CSNK1G2: variants seen among roughly 807,000 people sequenced by gnomAD.
CSNK1G2 encodes the protein casein kinase 1 gamma 2.
CSNK1G2 carries 11 observed loss-of-function variants against 48.0 expected under a neutral mutation model. That is an observed-to-expected ratio of 0.23 (90% CI 0.14 to 0.38). CSNK1G2 has a LOEUF of 0.38. Among genes scored for constraint, CSNK1G2 ranks in the 10% least tolerant of loss-of-function variants. The pLI is 1.00. For missense variants in CSNK1G2, 446 were observed against 595.5 expected (o/e 0.75, Z 2.61); for synonymous variants, 337 against 254.1 (o/e 1.33, Z -3.10).
rs970916248 is a variant in CSNK1G2 at position 1,980,845 on chromosome 19, T to TGCTGCAGTCTCTTCCCAGCC, written c.*643_*662dup. 3 of 152,600 alleles carry TGCTGCAGTCTCTTCCCAGCC rather than the reference T, an allele frequency of 2.0e-5. No individual in the cohort carries two copies. The highest frequency in any genetic ancestry group is 4.4e-5 in the Non-Finnish European group (3 of 68,242). 9.5% of individuals were successfully genotyped at this position (152,600 alleles called of 1,614,324 possible). The stretch of plus-strand genomic sequence containing the variant: ...AAAGCTCGGGCGCCGCGGGCACGGC[T>TGCTGCAGTCTCTTCCCAGCC]GCTGCAGTCTCTTCCCAGCCTGGCC... On this transcript the variant is annotated 3_prime_UTR_variant, in exon 12 of 12. Transcript: ENST00000255641.
chr19:1,963,166 G>A lies in CSNK1G2; in HGVS notation c.-265-6342G>A, dbSNP rs577023108. On this transcript the variant is annotated intron_variant, in intron 1 of 11. Transcript: ENST00000255641. Reference sequence around the variant, plus strand: ...AGCCACAGAGACAGGGAGTAACGTGGTGGTTTATTATAAATTTTTCATGAA... The same window carrying A: ...AGCCACAGAGACAGGGAGTAACGTGATGGTTTATTATAAATTTTTCATGAA... Among the ~76,000 whole-genome samples, 5 of 152,102 alleles carry A rather than the reference G, an allele frequency of 3.3e-5. No individual in the cohort carries two copies. The South Asian group carries it at 1.0e-3, about 32-fold the overall frequency.
chr19:1,960,851 T>A (rs2015174335), intron 1 of CSNK1G2, among the ~76,000 whole-genome samples: 1 of 152,276 alleles, frequency 6.6e-6, no homozygotes, highest in East Asian at 1.9e-4. Flanking sequence ...ATCGCACCAC[T>A]ACACTCCAGC....
chr19:1,966,559 C>T (rs927725581), intron 1 of CSNK1G2, among the ~76,000 whole-genome samples: 4 of 152,160 alleles, frequency 2.6e-5, no homozygotes, highest in East Asian at 1.9e-4. Flanking sequence ...TGGAACAGCC[C>T]GGAACCTCGG....
At chr19:1,950,298 C>G (rs879307336) in intron 1 of CSNK1G2, among the ~76,000 whole-genome samples, 14,994 of 145,198 alleles carry the variant, frequency 0.1, 1,069 homozygotes, top group East Asian at 0.18. Flanking sequence ...CGCCACCACA[C>G]CCAGCTAATT....
intron 2 of CSNK1G2, among the ~76,000 whole-genome samples, chr19:1,970,788 C>T (rs960641392): frequency 1.3e-5 from 2 of 152,224 alleles, no homozygotes; most frequent in African/African-American, 4.8e-5. Context: ...CAGTCAGTGT[C>T]TGTCGTGGTG....
At chr19:1,941,512 G>C (rs1245628499) in intron 1 of CSNK1G2, 94 bp downstream of exon 1, 1 of 42,756 alleles carries the variant, frequency 2.3e-5, no homozygotes, top group Non-Finnish European at 4.3e-5. Context: ...CCCCACACTC[G>C]GTGTCCACTG....
At chr19:1,968,629 G>C (rs868245873) in intron 1 of CSNK1G2, among the ~76,000 whole-genome samples, 1 of 152,208 alleles carries the variant, frequency 6.6e-6, no homozygotes, top group East Asian at 1.9e-4. Context: ...CTGTGGGCTG[G>C]GGTCCCACCA....
At chr19:1,968,533 G>A (rs1037786885) in intron 1 of CSNK1G2, among the ~76,000 whole-genome samples, 8 of 152,204 alleles carry the variant, frequency 5.3e-5, no homozygotes, top group Non-Finnish European at 7.4e-5. Context: ...GTCCAGACAC[G>A]GCGTTTCTCT....
Position 1,980,679 on chromosome 19 carries a change from C to G in CSNK1G2, c.*476C>G, listed in dbSNP as rs2015957603. The G allele has an allele frequency of 5.5e-6, 1 of 181,186 alleles. No homozygotes were observed. Among genetic ancestry groups the G allele is most frequent in the Non-Finnish European group, 1.2e-5 (1 of 85,124 alleles). The allele number at this position is 181,186 out of a possible 1,614,324, so 11.2% of individuals were successfully genotyped here. On this transcript the variant is annotated 3_prime_UTR_variant, in exon 12 of 12. Transcript: ENST00000255641. ...CCCGGCCTGGAGGGGTGCTGTGGAGCTGTCTTGCCCAGGCCCTCCTGGGAG... is the reference window on the plus strand; with the variant it reads ...CCCGGCCTGGAGGGGTGCTGTGGAGGTGTCTTGCCCAGGCCCTCCTGGGAG...
chr19:1,946,289 T>TATTTATTTGTTATTTATTTA (rs56098852), intron 1 of CSNK1G2, among the ~76,000 whole-genome samples: 2 of 143,806 alleles, frequency 1.4e-5, no homozygotes, highest in African/African-American at 2.5e-5. Context: ...TTTATTTATT[T>TATTTATTTGTTATTTATTTA]TTTATTTATT....
chr19:1,979,976 G>A lies in CSNK1G2; in HGVS notation c.1152G>A (p.Pro384=), dbSNP rs1162158104. The change falls in exon 11 of 12, where the codon CCG becomes CCA. Residue 384 remains proline (P), a synonymous_variant. Coordinates refer to ENST00000255641, the MANE Select transcript of CSNK1G2 (RefSeq NM_001319.7). ...DDPTAGHSNA[P]ITAPAEVEVA... is the part of the protein sequence containing the mutation. ...CCACGGCCGGCCACTCCAACGCCCC[G>A]ATCACAGCGCCTGCAGAGGTGGAGG... is the stretch of plus-strand genomic sequence containing the variant. 13 of 1,590,688 alleles carry A rather than the reference G, an allele frequency of 8.2e-6. No individual in the cohort carries two copies. The highest frequency in any genetic ancestry group is 4.0e-5 in the African/African-American group (3 of 74,400).
At chr19:1,945,690 C>T (rs8105415) in intron 1 of CSNK1G2, among the ~76,000 whole-genome samples, 16,005 of 152,068 alleles carry the variant, frequency 0.11, 1,105 homozygotes, top group African/African-American at 0.2. Flanking sequence ...GGCGTGGTGG[C>T]GTGCGCCCAT....
At chr19:1,975,039 G>A (rs1346530286) in intron 2 of CSNK1G2, 1 of 983,900 alleles carries the variant, frequency 1.0e-6, no homozygotes, top group African/African-American at 1.7e-5. Flanking sequence ...CACCCACCCA[G>A]CACACACCCA....
chr19:1,964,956 G>T (rs892267948), intron 1 of CSNK1G2, among the ~76,000 whole-genome samples: 4 of 150,942 alleles, frequency 2.7e-5, no homozygotes, highest in Non-Finnish European at 5.9e-5. Context: ...TCGATCTCCT[G>T]ACTTCATGAT....
At chr19:1,943,488 A>T (rs2014441941) in intron 1 of CSNK1G2, among the ~76,000 whole-genome samples, 1 of 152,152 alleles carries the variant, frequency 6.6e-6, no homozygotes, top group African/African-American at 2.4e-5. Flanking sequence ...ACTCTGGGCT[A>T]CAAAGGAAGT....
chr19:1,976,111 G>A (rs1280819613), intron 2 of CSNK1G2: 2 of 1,289,400 alleles, frequency 1.6e-6, no homozygotes, highest in African/African-American at 3.0e-5. Context: ...GGACCGTGTG[G>A]CAGGTTTAGT....
At chr19:1,942,164 C>A (rs992957321) in intron 1 of CSNK1G2, among the ~76,000 whole-genome samples, 4 of 152,192 alleles carry the variant, frequency 2.6e-5, no homozygotes, top group Non-Finnish European at 5.9e-5. Flanking sequence ...CTGTGGCCAC[C>A]GGCTTTGTTT....
At chr19:1,973,170 G>C (rs576171148) in intron 2 of CSNK1G2, among the ~76,000 whole-genome samples, 2 of 146,310 alleles carry the variant, frequency 1.4e-5, no homozygotes, top group East Asian at 4.2e-4. Context: ...CTCGTGATCT[G>C]CCCGCCTCGG....
At position 1,951,263 on chromosome 19, in the gene CSNK1G2, C is replaced by T. The variant is rs906179252; in HGVS notation, c.-266+9845C>T. On this transcript the variant is annotated intron_variant, in intron 1 of 11. Coordinates refer to ENST00000255641, the MANE Select transcript of CSNK1G2 (RefSeq NM_001319.7). The stretch of plus-strand genomic sequence containing the variant: ...AAAAAAATACAAAAAATTAGCCGGG[C>T]GTGGTGGCGGGCGCCTGTAGTCCCA... Among the ~76,000 whole-genome samples the T allele has an allele frequency of 2.8e-5, 4 of 144,424 alleles. 1 individual carries two copies. Among genetic ancestry groups the T allele is most frequent in the African/African-American group, 5.4e-5 (2 of 37,334 alleles). 94.7% of individuals were successfully genotyped at this position (144,424 alleles called of 152,430 possible). A position where few individuals can be genotyped will look rare whatever the true frequency, so the allele number is the denominator to read the frequency against.
Sources: allele counts gnomAD v4.1 joint callset (sites outside exome capture counted in the v4.1 genomes callset), GRCh38; gene constraint gnomAD v4.1.1; transcripts MANE v1.5; gene names NCBI Gene and HGNC (gene_info 2026-07-23, HGNC 2026-07-21).